Variants in LONRF1 observed in about 807,000 individuals in gnomAD.
LONRF1 encodes LON peptidase N-terminal domain and RING finger protein 1.
In LONRF1, 37 loss-of-function variants were observed where a neutral mutation model predicts 85.8. That is an observed-to-expected ratio of 0.43 (90% CI 0.33 to 0.57). LONRF1 has a LOEUF of 0.57. LONRF1 is among the 20% of genes least tolerant of loss of function. The probability of loss-of-function intolerance (pLI) is 0.04; values close to 1 mark genes in which losing one functional copy is unlikely to be tolerated. For missense variants in LONRF1, 1,036 were observed against 978.0 expected (o/e 1.06, Z -0.79); for synonymous variants, 517 against 390.1 (o/e 1.33, Z -3.83).
rs539782197 is a variant in LONRF1 at position 12,736,915 on chromosome 8, G to A, written c.1339C>T (p.Leu447=). 16 of 1,608,172 alleles carry A rather than the reference G, an allele frequency of 9.9e-6. No individual in the cohort carries two copies. Among genetic ancestry groups the A allele is most frequent in the South Asian group, 2.2e-5 (2 of 89,900 alleles). Residue 447 remains leucine (L), a synonymous_variant, in exon 5 of 12, where the codon CTG becomes TTG. Transcript: ENST00000398246. ...VIVNEDGRNK[L]KKQGETPNEV... ...AAATTTTTACCTCCTTGTTTTTTCA[G>A]CTTATTTCTTCCATCTTCATTTACA... is the stretch of plus-strand genomic sequence containing the variant.
Position 12,737,870 on chromosome 8 carries a change from TATG to T in LONRF1, c.1113+122_1113+124del, listed in dbSNP as rs1211114718. 5.4e-6 allele frequency: 5 copies of T among 923,984 alleles called. No individual in the cohort carries two copies. The African/African-American group carries it at 8.8e-5, about 16-fold the overall frequency. The allele number at this position is 923,984 out of a possible 1,614,324, so 57.2% of individuals were successfully genotyped here. A position where few individuals can be genotyped will look rare whatever the true frequency, so the allele number is the denominator to read the frequency against. ...GTAAAGGCTATGGAAAAAATTCTAC[TATG>T]ATAACTAACCAGGTTAAAAGTACTT... On this transcript the variant is annotated intron_variant, in intron 4 of 11. Coordinates refer to ENST00000398246, the MANE Select transcript of LONRF1 (RefSeq NM_152271.5).
At chr8:12,745,474 C>A (rs1244434383) in intron 1 of LONRF1, among the ~76,000 whole-genome samples, 1 of 152,142 alleles carries the variant, frequency 6.6e-6, no homozygotes. Flanking sequence ...ACAAGGTCTG[C>A]CTTCCACGTA....
At chr8:12,727,272 A>T (rs377361883) in intron 10 of LONRF1, 40 of 145,976 alleles carry the variant, frequency 2.7e-4, no homozygotes, top group African/African-American at 7.2e-4. Context: ...ACGCTTTTAA[A>T]GTCTCTGCCT....
At chr8:12,751,305 T>TTGTTTGTTTG (rs763305176) in intron 1 of LONRF1, among the ~76,000 whole-genome samples, 1 of 69,718 alleles carries the variant, frequency 1.4e-5, no homozygotes, top group East Asian at 8.1e-4. Flanking sequence ...TGTTTTTTTT[T>TTGTTTGTTTG]TTTTTTTTTT....
chr8:12,730,845 A>G (rs1365805263), intron 8 of LONRF1, among the ~76,000 whole-genome samples: 1 of 152,232 alleles, frequency 6.6e-6, no homozygotes, highest in Non-Finnish European at 1.5e-5. Flanking sequence ...AAAGGAGTCT[A>G]CAAGCACAGC....
rs1469158450 is a variant in LONRF1, at chr8:12,738,235, A to C, written c.964-91T>G. The C allele has an allele frequency of 4.5e-6, 4 of 883,506 alleles. No homozygotes were observed. The Admixed American group carries it at 1.1e-4, about 23-fold the overall frequency. The allele number at this position is 883,506 out of a possible 1,614,324, so 54.7% of individuals were successfully genotyped here. On this transcript the variant is annotated intron_variant, in intron 3 of 11. Transcript: ENST00000398246. ...ATTTACCTAATAAAGAATATGTAGA[A>C]AGTTTGTAGCAGACATTTTTTTAAT...
At position 12,739,922 on chromosome 8, in the gene LONRF1, C is replaced by G. The variant is rs113660932; in HGVS notation, c.963+952G>C. 2.8e-3 allele frequency among the ~76,000 whole-genome samples: 433 copies of G among 152,246 alleles called. 3 individuals are homozygous for G. The highest frequency in any genetic ancestry group is 0.01 in the African/African-American group (419 of 41,558). ...AAACCTCATAGAGGCTATACCAATG[C>G]CAGCTGGATTCTTAAGGCGGCTGAG... On this transcript the variant is annotated intron_variant, in intron 3 of 11. Transcript: ENST00000398246.
intron 8 of LONRF1, among the ~76,000 whole-genome samples, chr8:12,731,251 T>TA (rs1005867688): frequency 3.4e-4 from 51 of 152,172 alleles, no homozygotes; most frequent in African/African-American, 1.1e-3. Flanking sequence ...CCAGTCAGTA[T>TA]CTTCATTAAT....
chr8:12,753,082 C>A (rs994392388), intron 1 of LONRF1: 1 of 152,234 alleles, frequency 6.6e-6, no homozygotes, highest in African/African-American at 2.4e-5. Flanking sequence ...TCTCTTTATT[C>A]ACCCAGAGAA....
chr8:12,752,938 T>TA (rs1471506712), intron 1 of LONRF1: 1 of 152,246 alleles, frequency 6.6e-6, no homozygotes. Context: ...AAGCGGAAGA[T>TA]ACAGCACTGC....
In LONRF1 at chr8:12,755,094, C is replaced by G. The variant is rs1799585879; in HGVS notation, c.327G>C (p.Pro109=). ...CGGCGCCGCCGTCAGCGCCTGCAAC[C>G]GGGGCCGCGCTCCAGCCCAGCCCGT... ...LRHGLGWSAA[P]VAGADGGAGG... The change falls in exon 1 of 12, where the codon CCG becomes CCC. Residue 109 remains proline, a synonymous_variant. Transcript: ENST00000398246. The G allele has an allele frequency of 6.8e-7, 1 of 1,470,384 alleles. No homozygotes were observed. Among genetic ancestry groups the G allele is most frequent in the African/African-American group, 1.5e-5 (1 of 68,182 alleles). 91.1% of individuals were successfully genotyped at this position (1,470,384 alleles called of 1,614,324 possible).
At chr8:12,740,678 A>G (rs912183126) in intron 3 of LONRF1, among the ~76,000 whole-genome samples, 196 bp downstream of exon 3, 1 of 152,192 alleles carries the variant, frequency 6.6e-6, no homozygotes, top group Admixed American at 6.5e-5. Context: ...ATATCTGTGA[A>G]TGAAATGTTT....
At chr8:12,733,801 C>T (rs1374340710) in intron 7 of LONRF1, among the ~76,000 whole-genome samples, 1 of 151,920 alleles carries the variant, frequency 6.6e-6, no homozygotes, top group Non-Finnish European at 1.5e-5. Flanking sequence ...AATAAAATGA[C>T]AAGTAGGAAA....
Position 12,754,683 on chromosome 8 carries a change from C to T in LONRF1, c.721+17G>A. On this transcript the variant is annotated intron_variant, in intron 1 of 11. Coordinates refer to ENST00000398246, the MANE Select transcript of LONRF1 (RefSeq NM_152271.5). The stretch of plus-strand genomic sequence containing the variant: ...GGGTGCGGTCGGCCCGGCCCCGCCG[C>T]ATCCCCGCGCGGTCACCTGCTCGCA... 1 of 1,331,474 alleles carries T rather than the reference C, an allele frequency of 7.5e-7. No homozygotes were observed. The highest frequency in any genetic ancestry group is 9.5e-7 in the Non-Finnish European group (1 of 1,050,892). The allele number at this position is 1,331,474 out of a possible 1,614,324, so 82.5% of individuals were successfully genotyped here. A position where few individuals can be genotyped will look rare whatever the true frequency, so the allele number is the denominator to read the frequency against.
At chr8:12,740,286 C>CATATCA (rs1284388640) in intron 3 of LONRF1, among the ~76,000 whole-genome samples, 1 of 152,156 alleles carries the variant, frequency 6.6e-6, no homozygotes, top group Non-Finnish European at 1.5e-5. Flanking sequence ...TTCATGCTGG[C>CATATCA]ATATCAAAAG....
Position 12,755,069 on chromosome 8 carries a change from C to T in LONRF1, c.352G>A (p.Gly118Ser), listed in dbSNP as rs750946658. 5.7e-5 allele frequency: 84 copies of T among 1,473,096 alleles called. No individual in the cohort carries two copies. Among genetic ancestry groups the T allele is most frequent in the Non-Finnish European group, 7.2e-5 (81 of 1,117,686 alleles). 91.3% of individuals were successfully genotyped at this position (1,473,096 alleles called of 1,614,324 possible). Residue 118 changes from glycine (G) to serine (S), a missense_variant, in exon 1 of 12, where the codon GGC becomes AGC. Gly to Ser is a moderately conservative substitution (Grantham distance 56). Transcript: ENST00000398246. ...APVAGADGGA[G>S]GLLRCLGCRG... ...CAGCCCAGGCATCTGAGGAGCCCGC[C>T]GGCGCCGCCGTCAGCGCCTGCAACC...
rs775762703 is a variant in LONRF1, at chr8:12,738,126, A to G, written c.982T>C (p.Leu328=). Residue 328 remains leucine (L), a synonymous_variant, in exon 4 of 12, where the codon TTA becomes CTA. Transcript: ENST00000398246. ...QVQKILCDLL[L]PENLKEGLKE... Reference sequence around the variant, plus strand: ...AGGCCTTCTTTTAAGTTTTCAGGTAATAATAAATCACATAAAATCTGTAAG... The same window carrying G: ...AGGCCTTCTTTTAAGTTTTCAGGTAGTAATAAATCACATAAAATCTGTAAG... 2.6e-6 allele frequency: 4 copies of G among 1,567,934 alleles called. No individual in the cohort carries two copies. In the South Asian group the frequency reaches 4.7e-5, roughly 19 times the overall value.
chr8:12,733,971 C>G (rs1798625224), intron 7 of LONRF1, among the ~76,000 whole-genome samples: 1 of 152,088 alleles, frequency 6.6e-6, no homozygotes, highest in Non-Finnish European at 1.5e-5. Flanking sequence ...ATTTTTCAAT[C>G]TCCAGACATT....
rs1048321001 is a variant in LONRF1, at chr8:12,730,842, T to C, written c.1688+894A>G. ...TGATGGGCACATGTTGATAAAGGAG[T>C]CTACAAGCACAGCTTTTCTTAGAAA... is the stretch of plus-strand genomic sequence containing the variant. On this transcript the variant is annotated intron_variant, in intron 8 of 11. Coordinates refer to ENST00000398246, the MANE Select transcript of LONRF1 (RefSeq NM_152271.5). Among the ~76,000 whole-genome samples, 5 of 152,060 alleles carry C rather than the reference T, an allele frequency of 3.3e-5. No individual in the cohort carries two copies. In the East Asian group the frequency reaches 7.7e-4, roughly 23 times the overall value.
Sources: gnomAD v4.1 joint callset for allele counts (sites outside exome capture counted in the v4.1 genomes callset) on GRCh38, gnomAD v4.1.1 for gene constraint, MANE v1.5 for transcripts, NCBI Gene and HGNC (gene_info 2026-07-23, HGNC 2026-07-21) for gene names.